Variants in ATG4C observed in about 807,000 individuals in gnomAD.
ATG4C encodes autophagy related 4C cysteine peptidase, also known as cysteine protease ATG4C.
A neutral mutation model predicts 57.6 loss-of-function variants in ATG4C; 56 were observed. The observed-to-expected ratio is 0.97, with a 90% confidence interval of 0.78 to 1.21. The LOEUF is 1.21. Ranked by LOEUF, ATG4C falls within the 50% of genes most tolerant of loss-of-function variation. The pLI is 0.00. For synonymous variants in ATG4C, 157 were observed against 174.1 expected (o/e 0.90, Z 0.78); for missense variants, 595 against 529.8 (o/e 1.12, Z -1.21).
At chr1:62,849,590 C>T (rs1159296415) in intron 10 of ATG4C, among the ~76,000 whole-genome samples, 1 of 151,998 alleles carries the variant, frequency 6.6e-6, no homozygotes, top group Non-Finnish European at 1.5e-5. Flanking sequence ...TGGCTCACTG[C>T]AACCTCTGCC....
At chr1:62,821,305 G>A (rs1163130745) in intron 6 of ATG4C, 96 bp downstream of exon 6, 2 of 704,856 alleles carry the variant, frequency 2.8e-6, no homozygotes, top group Non-Finnish European at 4.3e-6. Flanking sequence ...GATTATGAAG[G>A]TAGGGACCAT....
chr1:62,852,641 A>T (rs1339523907), intron 10 of ATG4C, among the ~76,000 whole-genome samples: 1 of 152,150 alleles, frequency 6.6e-6, no homozygotes, highest in Non-Finnish European at 1.5e-5. Flanking sequence ...AATATTGTTT[A>T]CTAATCACAT....
chr1:62,826,329 G>A (rs1241297982), intron 6 of ATG4C, among the ~76,000 whole-genome samples: 1 of 149,624 alleles, frequency 6.7e-6, no homozygotes, highest in Non-Finnish European at 1.5e-5. Context: ...TCCACCTCTC[G>A]GGTTCATGCC....
At chr1:62,785,483 G>A (rs1664052776) in intron 1 of ATG4C, among the ~76,000 whole-genome samples, 1 of 152,124 alleles carries the variant, frequency 6.6e-6, no homozygotes, top group Non-Finnish European at 1.5e-5. Flanking sequence ...CTTTAAAATA[G>A]GATTCAAGTA....
chr1:62,816,954 T>G (rs1300635170), intron 4 of ATG4C, 146 bp downstream of exon 4: 3 of 663,278 alleles, frequency 4.5e-6, no homozygotes, highest in Non-Finnish European at 7.4e-6. Context: ...TGTAACTAAT[T>G]TGGTGTATTG....
rs114022324 is a variant in ATG4C, at chr1:62,822,311, G to A, written c.796+1102G>A. ...GCCTTGTAAAGAAAGACCAATATCC[G>A]TAATTATAGCCATAGGAAAAGAAAA... On this transcript the variant is annotated intron_variant, in intron 6 of 10. Transcript: ENST00000317868. Among the ~76,000 whole-genome samples the A allele has an allele frequency of 7.2e-3, 1,090 of 152,054 alleles. 12 individuals are homozygous for A. The highest frequency in any genetic ancestry group is 0.025 in the African/African-American group (1,036 of 41,478).
intron 10 of ATG4C, among the ~76,000 whole-genome samples, chr1:62,848,400 T>G (rs1666393104): frequency 6.6e-6 from 1 of 152,180 alleles, no homozygotes; most frequent in Non-Finnish European, 1.5e-5. Context: ...TTTTTTCCTG[T>G]TTTACTCTGC....
chr1:62,856,599 T>C (rs1666690067), intron 10 of ATG4C, among the ~76,000 whole-genome samples: 1 of 152,200 alleles, frequency 6.6e-6, no homozygotes, highest in South Asian at 2.1e-4. Context: ...AGTTAATAAG[T>C]ATCAGCCAAG....
intron 6 of ATG4C, among the ~76,000 whole-genome samples, chr1:62,822,532 A>T (rs1665514937): frequency 6.6e-6 from 1 of 152,228 alleles, no homozygotes; most frequent in African/African-American, 2.4e-5. Context: ...TTTGTTACAT[A>T]TAATTAAGCA....
intron 2 of ATG4C, among the ~76,000 whole-genome samples, chr1:62,804,099 T>C (rs1359213051): frequency 1.3e-5 from 2 of 151,634 alleles, no homozygotes; most frequent in African/African-American, 4.8e-5. Flanking sequence ...CTTTTTTTTT[T>C]TTTTTGAGAC....
intron 9 of ATG4C, among the ~76,000 whole-genome samples, chr1:62,837,985 T>C (rs1291117346): frequency 2.0e-5 from 3 of 152,170 alleles, no homozygotes; most frequent in Non-Finnish European, 4.4e-5. Flanking sequence ...TTACTAAGGG[T>C]ATTTTCTAAT....
chr1:62,829,304 T>A lies in ATG4C; in HGVS notation c.933+128T>A. The A allele has an allele frequency of 4.6e-6, 5 of 1,084,976 alleles. No homozygotes were observed. In the South Asian group the frequency reaches 7.4e-5, roughly 16 times the overall value. 67.2% of individuals were successfully genotyped at this position (1,084,976 alleles called of 1,614,324 possible). A position where few individuals can be genotyped will look rare whatever the true frequency, so the allele number is the denominator to read the frequency against. ...AGTTGTACGTTGTACGTTGTAAAGT[T>A]TGACATTAGAGATTTTAAATTTTGG... On this transcript the variant is annotated intron_variant, in intron 7 of 10. Transcript: ENST00000317868.
chr1:62,826,458 G>A (rs1665658687), intron 6 of ATG4C, among the ~76,000 whole-genome samples: 1 of 145,976 alleles, frequency 6.9e-6, no homozygotes, highest in South Asian at 2.2e-4. Flanking sequence ...GGATGGTCTC[G>A]ATCTCCTGAC....
intron 10 of ATG4C, among the ~76,000 whole-genome samples, chr1:62,858,898 CA>C (rs1666764819): frequency 6.6e-6 from 1 of 151,972 alleles, no homozygotes; most frequent in Non-Finnish European, 1.5e-5. Context: ...GCTCTTGTAA[CA>C]AAAAACAGGA....
intron 10 of ATG4C, among the ~76,000 whole-genome samples, chr1:62,862,988 G>C (rs1290193576): frequency 6.6e-6 from 1 of 151,634 alleles, no homozygotes; most frequent in Non-Finnish European, 1.5e-5. Flanking sequence ...GTAACTTTTC[G>C]GAATTCCTGT....
chr1:62,844,461 C>G (rs1039338134), intron 10 of ATG4C, among the ~76,000 whole-genome samples: 2 of 152,096 alleles, frequency 1.3e-5, no homozygotes, highest in African/African-American at 4.8e-5. Context: ...TTTTGGGAAA[C>G]ACTGTTATAG....
At chr1:62,863,505 C>T (rs2100373056) in intron 10 of ATG4C, among the ~76,000 whole-genome samples, 1 of 152,036 alleles carries the variant, frequency 6.6e-6, no homozygotes, top group African/African-American at 2.4e-5. Context: ...AGATGTTATT[C>T]AGGTAGAGTG....
Position 62,816,806 on chromosome 1 carries a change from G to A in ATG4C, c.392G>A (p.Arg131Lys). Reference sequence around the variant, plus strand: ...GGACTCATACTACACTTTCTTGGTAGAGGTAAATCAAATTTCTGTTTTTGT... The same window carrying A: ...GGACTCATACTACACTTTCTTGGTAAAGGTAAATCAAATTTCTGTTTTTGT... ...AQGLILHFLG[R>K]AWTWPDALNI... The change falls in exon 4 of 11, where the codon AGA (arginine) becomes AAA (lysine). Residue 131 changes from arginine (R) to lysine (K), a missense_variant and splice_region_variant. Physicochemically the swap from Arg to Lys is conservative, Grantham distance 26. Transcript: ENST00000317868. 1 of 1,518,600 alleles carries A rather than the reference G, an allele frequency of 6.6e-7. No homozygotes were observed. Among genetic ancestry groups the A allele is most frequent in the Non-Finnish European group, 8.8e-7 (1 of 1,130,778 alleles). The allele number at this position is 1,518,600 out of a possible 1,614,324, so 94.1% of individuals were successfully genotyped here.
intron 6 of ATG4C, among the ~76,000 whole-genome samples, chr1:62,824,122 C>G (rs1212826029): frequency 6.6e-6 from 1 of 152,110 alleles, no homozygotes; most frequent in African/African-American, 2.4e-5. Flanking sequence ...TGGACTATGT[C>G]ATATACCTTA....
Sources: gnomAD v4.1 joint callset for allele counts (sites outside exome capture counted in the v4.1 genomes callset) on GRCh38, gnomAD v4.1.1 for gene constraint, MANE v1.5 for transcripts, NCBI Gene and HGNC (gene_info 2026-07-23, HGNC 2026-07-21) for gene names.